WDFY4: variants seen among roughly 807,000 people sequenced by gnomAD.
WDFY4 encodes the protein WD repeat- and FYVE domain-containing protein 4.
A neutral mutation model predicts 351.9 loss-of-function variants in WDFY4; 169 were observed. That is an observed-to-expected ratio of 0.48 (90% CI 0.42 to 0.55). The LOEUF (loss-of-function observed/expected upper bound fraction) is 0.55, where lower values mean the gene tolerates loss of function less well. Among genes scored for constraint, WDFY4 ranks in the 20% least tolerant of loss-of-function variants. WDFY4 has a pLI of 0.00. For missense variants in WDFY4, 3,803 were observed against 3,935.6 expected (o/e 0.97, Z 0.90); for synonymous variants, 1,622 against 1,574.6 (o/e 1.03, Z -0.71).
At chr10:48,957,088 C>A (rs781066979) in intron 51 of WDFY4, 41 bp from the exon 52 acceptor site, 3 of 1,534,974 alleles carry the variant, frequency 2.0e-6, no homozygotes, top group Non-Finnish European at 2.6e-6. Flanking sequence ...CAGGAGGGTG[C>A]CAGTGAGAGC....
chr10:48,943,372 A>G lies in WDFY4; in HGVS notation c.7672A>G (p.Thr2558Ala). 6.4e-7 allele frequency: 1 copy of G among 1,551,756 alleles called. No homozygotes were observed. The highest frequency in any genetic ancestry group is 1.4e-5 in the African/African-American group (1 of 73,168). Reference protein sequence around the residue: ...SNFEYLMYLNTAAGRTCNDYM... With the variant: ...SNFEYLMYLNAAAGRTCNDYM... ...TTTTGAGTATCTCATGTACCTCAAC[A>G]CCGCGGCTGGGAGAACCTGCAATGA... Residue 2558 changes from threonine (T) to alanine (A), a missense_variant, in exon 49 of 62, where the codon ACC becomes GCC. Physicochemically the swap from Thr to Ala is moderately conservative, Grantham distance 58 (BLOSUM62 0). Transcript: ENST00000325239.
chr10:48,823,475 C>T (rs1387350148), intron 35 of WDFY4: 2 of 1,184,990 alleles, frequency 1.7e-6, no homozygotes, highest in East Asian at 5.8e-5. Context: ...GCAGAGTCAC[C>T]CACAGACCTC....
rs369777739 is a variant in WDFY4, at chr10:48,857,195, A to AT, written c.6664-10060dup. On this transcript the variant is annotated intron_variant, in intron 39 of 61. Coordinates refer to ENST00000325239, the MANE Select transcript of WDFY4 (RefSeq NM_001394531.1). ...TGCTTTTCCTTGAGACAACCATCAC[A>AT]TTTTTTTTTTGGTATTCAGAAATGC... is the stretch of plus-strand genomic sequence containing the variant. Among the ~76,000 whole-genome samples, 592 of 149,184 alleles carry AT rather than the reference A, an allele frequency of 4.0e-3. 7 individuals carry two copies. Among genetic ancestry groups the AT allele is most frequent in the African/African-American group, 0.011 (453 of 40,904 alleles).
chr10:48,733,755 G>T (rs1436959333), intron 9 of WDFY4, among the ~76,000 whole-genome samples, 176 bp from the exon 10 acceptor site: 1 of 152,192 alleles, frequency 6.6e-6, no homozygotes, highest in Admixed American at 6.5e-5. Context: ...GCTCAAAATG[G>T]AGAACCCCTG....
At chr10:48,732,578 C>T (rs2064500813) in intron 9 of WDFY4, among the ~76,000 whole-genome samples, 1 of 152,222 alleles carries the variant, frequency 6.6e-6, no homozygotes, top group Non-Finnish European at 1.5e-5. Flanking sequence ...GGGCTGGAAT[C>T]CTGGCCATGC....
At position 48,866,484 on chromosome 10, in the gene WDFY4, G is replaced by A. The variant is rs189579440; in HGVS notation, c.6664-781G>A. 2.0e-4 allele frequency among the ~76,000 whole-genome samples: 30 copies of A among 152,254 alleles called. No homozygotes were observed. The East Asian group carries it at 5.6e-3, about 28-fold the overall frequency. On this transcript the variant is annotated intron_variant, in intron 39 of 61. Transcript: ENST00000325239. Reference sequence around the variant, plus strand: ...TATCCTTTTAAATTTACTGAAGTTTGTTTTGTGGCCTCAGCTTCTCATCCT... The same window carrying A: ...TATCCTTTTAAATTTACTGAAGTTTATTTTGTGGCCTCAGCTTCTCATCCT...
intron 11 of WDFY4, among the ~76,000 whole-genome samples, chr10:48,740,156 G>A (rs890437248): frequency 5.3e-5 from 8 of 152,196 alleles, no homozygotes; most frequent in African/African-American, 1.7e-4. Context: ...CATAAATTTA[G>A]TCTGTTTAAC....
Position 48,957,371 on chromosome 10 carries a change from C to T in WDFY4, c.8131+89C>T, listed in dbSNP as rs148219381. On this transcript the variant is annotated intron_variant, in intron 52 of 61. Transcript: ENST00000325239. ...GGGTGATGACCAACATCATCTGGACCTTTGCTAGGCCCTCCCCAGGACCTC... is the reference window on the plus strand; with the variant it reads ...GGGTGATGACCAACATCATCTGGACTTTTGCTAGGCCCTCCCCAGGACCTC... 660 of 1,462,554 alleles carry T rather than the reference C, an allele frequency of 4.5e-4. 2 individuals are homozygous for T. The highest frequency in any genetic ancestry group is 1.8e-3 in the Middle Eastern group (10 of 5,642). 90.6% of individuals were successfully genotyped at this position (1,462,554 alleles called of 1,614,324 possible).
intron 47 of WDFY4, among the ~76,000 whole-genome samples, chr10:48,903,282 T>C (rs1837452490): frequency 6.6e-6 from 1 of 152,172 alleles, no homozygotes; most frequent in Admixed American, 6.5e-5. Context: ...TGTCGGTTTT[T>C]ATTCCAAATA....
chr10:48,909,724 G>A (rs1262890894), intron 47 of WDFY4: 1 of 154,244 alleles, frequency 6.5e-6, no homozygotes, highest in Non-Finnish European at 1.4e-5. Flanking sequence ...CAAAAGGATG[G>A]CACCAGGCCA....
At chr10:48,870,231 T>G (rs887088286) in intron 40 of WDFY4, among the ~76,000 whole-genome samples, 1 of 152,190 alleles carries the variant, frequency 6.6e-6, no homozygotes, top group African/African-American at 2.4e-5. Flanking sequence ...ACCCAAGGGT[T>G]GCTGTGATTC....
chr10:48,739,770 A>G (rs2064793663), intron 11 of WDFY4, among the ~76,000 whole-genome samples: 1 of 152,230 alleles, frequency 6.6e-6, no homozygotes, highest in East Asian at 1.9e-4. Flanking sequence ...CAAGAGGAGG[A>G]AAAGAAAATA....
chr10:48,927,512 T>C (rs1306007531), intron 47 of WDFY4, among the ~76,000 whole-genome samples: 1 of 152,228 alleles, frequency 6.6e-6, no homozygotes, highest in Non-Finnish European at 1.5e-5. Flanking sequence ...GGAGTGTCTG[T>C]ATAAAAATTC....
At chr10:48,823,928 A>C in intron 35 of WDFY4, 4 of 985,530 alleles carry the variant, frequency 4.1e-6, no homozygotes, top group Non-Finnish European at 4.8e-6. Context: ...ACAGACCTTC[A>C]CTTCATGAGT....
intron 42 of WDFY4, among the ~76,000 whole-genome samples, chr10:48,875,993 G>C (rs2069988720): frequency 6.6e-6 from 1 of 152,266 alleles, no homozygotes; most frequent in African/African-American, 2.4e-5. Flanking sequence ...AGAGAGTGCA[G>C]TGGTGGAAAG....
At chr10:48,930,077 G>C (rs2663062) in intron 47 of WDFY4, among the ~76,000 whole-genome samples, 110,051 of 151,950 alleles carry the variant, frequency 0.72, 43,534 homozygotes, top group East Asian at 1. Context: ...GTCCATTTCA[G>C]TTCCTAGCAC....
intron 51 of WDFY4, among the ~76,000 whole-genome samples, chr10:48,956,897 G>T (rs760983956): frequency 2.0e-4 from 30 of 152,326 alleles, no homozygotes; most frequent in African/African-American, 6.3e-4. Flanking sequence ...GATTAACACG[G>T]ATCATGCATT....
chr10:48,743,676 C>T, intron 12 of WDFY4, 128 bp downstream of exon 12: 1 of 1,095,240 alleles, frequency 9.1e-7, no homozygotes, highest in Non-Finnish European at 1.3e-6. Context: ...CATGTGACCT[C>T]AACTTCCTCA....
chr10:48,869,519 C>T (rs1297763262), intron 40 of WDFY4, among the ~76,000 whole-genome samples: 1 of 149,054 alleles, frequency 6.7e-6, no homozygotes, highest in Non-Finnish European at 1.5e-5. Context: ...GCAAACATTG[C>T]AATTCAAATA....
Sources: gnomAD v4.1 joint callset for allele counts (sites outside exome capture counted in the v4.1 genomes callset) on GRCh38, gnomAD v4.1.1 for gene constraint, MANE v1.5 for transcripts, NCBI Gene and HGNC (gene_info 2026-07-23, HGNC 2026-07-21) for gene names.